The following PDE4B variants were observed in gnomAD, a reference collection of about 807,000 sequenced individuals.
PDE4B encodes phosphodiesterase 4B.
In PDE4B, 20 loss-of-function variants were observed where a neutral mutation model predicts 82.2. That is an observed-to-expected ratio of 0.24 (90% CI 0.17 to 0.35). The LOEUF (loss-of-function observed/expected upper bound fraction) is 0.35. Ranked by LOEUF, PDE4B falls within the 10% of genes least tolerant of loss-of-function variation. PDE4B has a pLI of 1.00. For synonymous variants in PDE4B, 320 were observed against 318.9 expected (o/e 1.00, Z -0.04); for missense variants, 655 against 907.2 (o/e 0.72, Z 3.57).
At chr1:65,827,294 A>T (rs1037372326) in intron 1 of PDE4B, among the ~76,000 whole-genome samples, 1 of 152,144 alleles carries the variant, frequency 6.6e-6, no homozygotes, top group African/African-American at 2.4e-5. Flanking sequence ...ATTTGAAAAG[A>T]CACAAATCAG....
At chr1:66,029,663 T>G (rs981901548) in intron 3 of PDE4B, among the ~76,000 whole-genome samples, 3 of 152,178 alleles carry the variant, frequency 2.0e-5, no homozygotes, top group African/African-American at 7.2e-5. Context: ...ATATGAAATA[T>G]AAGTCATATG....
chr1:66,176,267 A>C (rs540597912), intron 3 of PDE4B, among the ~76,000 whole-genome samples: 1 of 152,238 alleles, frequency 6.6e-6, no homozygotes, highest in African/African-American at 2.4e-5. Context: ...TCTAACGGAT[A>C]GTGTCTTGAG....
intron 1 of PDE4B, among the ~76,000 whole-genome samples, chr1:65,808,138 G>GT (rs1486985670): frequency 1.3e-5 from 2 of 151,138 alleles, no homozygotes; most frequent in Non-Finnish European, 3.0e-5. Flanking sequence ...ATTAAAGGGA[G>GT]TGTTGGGTCC....
intron 8 of PDE4B, among the ~76,000 whole-genome samples, chr1:66,337,891 G>A (rs1315850627): frequency 1.3e-5 from 2 of 152,142 alleles, no homozygotes; most frequent in East Asian, 1.9e-4. Flanking sequence ...AGTGAAAAGA[G>A]CCTAGGAATA....
rs116480306 is a variant in PDE4B, at chr1:66,194,833, C to T, written c.282-52627C>T. On this transcript the variant is annotated intron_variant, in intron 3 of 16. Transcript: ENST00000341517. ...ATTTTTGTATCTCTAGGGCCTTCCC[C>T]AATTCATAACAGAGATTAACACTCA... is the stretch of plus-strand genomic sequence containing the variant. Among the ~76,000 whole-genome samples the T allele has an allele frequency of 3.7e-3, 559 of 152,132 alleles. 2 individuals carry two copies. Among genetic ancestry groups the T allele is most frequent in the African/African-American group, 0.013 (531 of 41,498 alleles).
At chr1:66,197,011 A>G (rs1165529895) in intron 3 of PDE4B, among the ~76,000 whole-genome samples, 1 of 152,044 alleles carries the variant, frequency 6.6e-6, no homozygotes, top group Non-Finnish European at 1.5e-5. Context: ...TAAAGAAAAT[A>G]ACAAAATTGG....
chr1:66,217,243 G>C (rs201758328), intron 3 of PDE4B, among the ~76,000 whole-genome samples: 1 of 151,844 alleles, frequency 6.6e-6, no homozygotes, highest in Non-Finnish European at 1.5e-5. Flanking sequence ...TCATTGGCTA[G>C]GCAAGAAAAA....
chr1:65,941,052 GGAT>G (rs1321988271), intron 3 of PDE4B, among the ~76,000 whole-genome samples: 2 of 151,938 alleles, frequency 1.3e-5, no homozygotes, highest in African/African-American at 4.8e-5. Context: ...TAAAGTTAAA[GGAT>G]GAGAGCATTC....
intron 3 of PDE4B, among the ~76,000 whole-genome samples, chr1:66,024,040 C>A (rs532602333): frequency 1.3e-5 from 2 of 151,766 alleles, no homozygotes; most frequent in African/African-American, 4.8e-5. Flanking sequence ...TATTTTTTAC[C>A]TTTTGTGCTG....
At chr1:66,123,672 T>C (rs1645759493) in intron 3 of PDE4B, among the ~76,000 whole-genome samples, 1 of 152,200 alleles carries the variant, frequency 6.6e-6, no homozygotes, top group Non-Finnish European at 1.5e-5. Flanking sequence ...CTTTCACCCT[T>C]CTTACCCTCA....
rs2050775859 is a variant in PDE4B at position 66,371,345 on chromosome 1, G to A, written c.1846-968G>A. On this transcript the variant is annotated intron_variant, in intron 16 of 16. Transcript: ENST00000341517. ...CATCTCTGTAGCTCCCCAGACCATG[G>A]CAGGGGAATTCCCTTCCCTCATTCA... Among the ~76,000 whole-genome samples the A allele has an allele frequency of 9.9e-5, 15 of 151,120 alleles. 1 individual carries two copies. In the South Asian group the frequency reaches 2.9e-3, roughly 29 times the overall value.
intron 1 of PDE4B, among the ~76,000 whole-genome samples, chr1:65,817,360 T>C (rs1189580192): frequency 6.6e-6 from 1 of 152,102 alleles, no homozygotes; most frequent in Non-Finnish European, 1.5e-5. Flanking sequence ...AAATTTAAGG[T>C]TGAAGATTGA....
At chr1:66,328,012 A>G (rs936547162) in intron 7 of PDE4B, among the ~76,000 whole-genome samples, 3 of 152,232 alleles carry the variant, frequency 2.0e-5, no homozygotes, top group Admixed American at 2.0e-4. Context: ...GCCTTAAGGT[A>G]AATAAGATAA....
intron 3 of PDE4B, among the ~76,000 whole-genome samples, chr1:66,208,026 T>A (rs1425024881): frequency 6.6e-6 from 1 of 152,158 alleles, no homozygotes; most frequent in African/African-American, 2.4e-5. Context: ...TTTAAATAAA[T>A]CCTAAGGGAA....
At chr1:66,294,257 A>C (rs1178281551) in intron 7 of PDE4B, among the ~76,000 whole-genome samples, 2 of 152,102 alleles carry the variant, frequency 1.3e-5, no homozygotes, top group Non-Finnish European at 2.9e-5. Context: ...TCTCTCAACA[A>C]AGTTGGTGTT....
rs139418584 is a variant in PDE4B, at chr1:66,051,220, A to T, written c.281+132385A>T. On this transcript the variant is annotated intron_variant, in intron 3 of 16. Coordinates refer to ENST00000341517, the MANE Select transcript of PDE4B (RefSeq NM_002600.4). ...CTTAAAGTATAATAATAATAAAATT[A>T]AAAAAAATTAAATTTGAAAGAAAAC... Among the ~76,000 whole-genome samples the T allele has an allele frequency of 2.0e-4, 30 of 151,942 alleles. 1 individual carries two copies. In the East Asian group the frequency reaches 3.5e-3, roughly 18 times the overall value.
chr1:66,339,289 C>T (rs1660780525), intron 8 of PDE4B, among the ~76,000 whole-genome samples: 1 of 152,210 alleles, frequency 6.6e-6, no homozygotes, highest in African/African-American at 2.4e-5. Flanking sequence ...CTTTCTATGA[C>T]AAAATGGAGT....
intron 3 of PDE4B, among the ~76,000 whole-genome samples, chr1:66,080,124 G>A (rs906467636): frequency 3.9e-5 from 6 of 152,090 alleles, no homozygotes; most frequent in East Asian, 3.9e-4. Context: ...TTAGGATTTC[G>A]TTTCATTGGC....
At chr1:66,333,895 G>T (rs1294051977) in intron 8 of PDE4B, among the ~76,000 whole-genome samples, 1 of 152,058 alleles carries the variant, frequency 6.6e-6, no homozygotes, top group Non-Finnish European at 1.5e-5. Flanking sequence ...AAAAAGAAAA[G>T]AACACATTTG....
Sources: allele counts gnomAD v4.1 joint callset (sites outside exome capture counted in the v4.1 genomes callset), GRCh38; gene constraint gnomAD v4.1.1; transcripts MANE v1.5; gene names NCBI Gene and HGNC (gene_info 2026-07-23, HGNC 2026-07-21).